Variants in ROBO2 observed in about 807,000 individuals in gnomAD.
The protein encoded by ROBO2 is roundabout guidance receptor 2.
Under a neutral mutation model 160.8 loss-of-function variants are expected in ROBO2, and 53 were observed. That is an observed-to-expected ratio of 0.33 (90% CI 0.26 to 0.41). The LOEUF (loss-of-function observed/expected upper bound fraction) is 0.41, where lower values mean the gene tolerates loss of function less well. Among genes scored for constraint, ROBO2 ranks in the 10% least tolerant of loss-of-function variants. The pLI is 1.00. For missense variants in ROBO2, 1,577 were observed against 1,722.4 expected (o/e 0.92, Z 1.49); for synonymous variants, 664 against 611.7 (o/e 1.09, Z -1.26).
At chr3:76,289,399 T>C (rs1336553346) in intron 2 of ROBO2, among the ~76,000 whole-genome samples, 1 of 152,172 alleles carries the variant, frequency 6.6e-6, no homozygotes, top group Admixed American at 6.6e-5. Context: ...TAGACCTTTG[T>C]TGGATGCAGT....
chr3:77,624,699 A>G (rs1280571981), intron 23 of ROBO2, among the ~76,000 whole-genome samples: 2 of 152,184 alleles, frequency 1.3e-5, no homozygotes, highest in African/African-American at 2.4e-5. Flanking sequence ...ACCACCAGTT[A>G]CTTTGGGTTC....
intron 2 of ROBO2, among the ~76,000 whole-genome samples, chr3:76,185,718 G>A (rs1264543826): frequency 1.3e-5 from 2 of 151,990 alleles, no homozygotes; most frequent in Non-Finnish European, 2.9e-5. Flanking sequence ...GCCATAATTA[G>A]CATAATTGTG....
chr3:77,516,950 C>T (rs1417719681), intron 5 of ROBO2, among the ~76,000 whole-genome samples: 1 of 151,496 alleles, frequency 6.6e-6, no homozygotes, highest in Non-Finnish European at 1.5e-5. Flanking sequence ...TCATTGAACG[C>T]CTCCAATATC....
intron 14 of ROBO2, 31 bp downstream of exon 15, chr3:77,574,761 A>G: frequency 6.6e-7 from 1 of 1,508,750 alleles, no homozygotes; most frequent in Non-Finnish European, 9.2e-7. Flanking sequence ...TATAAATCAA[A>G]CATGATGAAA....
intron 2 of ROBO2, among the ~76,000 whole-genome samples, chr3:76,262,091 G>C (rs1294412269): frequency 6.6e-6 from 1 of 152,066 alleles, no homozygotes; most frequent in African/African-American, 2.4e-5. Context: ...AATCAACAGA[G>C]CTATGCCAAT....
intron 2 of ROBO2, among the ~76,000 whole-genome samples, chr3:76,670,120 C>T (rs2092208044): frequency 6.6e-6 from 1 of 152,044 alleles, no homozygotes; most frequent in Non-Finnish European, 1.5e-5. Flanking sequence ...TGCATTTATG[C>T]AAAATACCTT....
chr3:76,781,947 C>A (rs1279884140), intron 2 of ROBO2, among the ~76,000 whole-genome samples: 1 of 150,642 alleles, frequency 6.6e-6, no homozygotes, highest in South Asian at 2.1e-4. Context: ...GGCATTAATT[C>A]TTTAATGTTT....
chr3:77,574,502 G>T (rs2093714053), exon 14 of ROBO2: 1 of 1,612,936 alleles, frequency 6.2e-7, no homozygotes, highest in African/African-American at 1.3e-5. Flanking sequence ...TTTTCAGGTT[G>T]ATCGCCAACC....
chr3:76,257,033 C>T (rs1171325291), intron 2 of ROBO2, among the ~76,000 whole-genome samples: 1 of 151,998 alleles, frequency 6.6e-6, no homozygotes, highest in Non-Finnish European at 1.5e-5. Flanking sequence ...CCCCACGACC[C>T]AAGCCCCTCG....
chr3:76,328,726 G>A (rs1181722857), intron 2 of ROBO2, among the ~76,000 whole-genome samples: 1 of 151,902 alleles, frequency 6.6e-6, no homozygotes, highest in African/African-American at 2.4e-5. Flanking sequence ...TGGGCGTGGT[G>A]GCGGCGCCTG....
At chr3:76,022,423 T>C (rs866059327) in intron 2 of ROBO2, among the ~76,000 whole-genome samples, 28 of 151,924 alleles carry the variant, frequency 1.8e-4, no homozygotes, top group South Asian at 1.7e-3. Context: ...AGAGGAGTCA[T>C]TATGGCAGCA....
At chr3:76,253,494 G>A (rs1013530671) in intron 2 of ROBO2, among the ~76,000 whole-genome samples, 1 of 151,038 alleles carries the variant, frequency 6.6e-6, no homozygotes, top group Non-Finnish European at 1.5e-5. Context: ...GGCTGGTCTT[G>A]AACACCTGGG....
intron 2 of ROBO2, among the ~76,000 whole-genome samples, chr3:77,126,448 A>T (rs1486517954): frequency 6.6e-6 from 1 of 152,196 alleles, no homozygotes; most frequent in Non-Finnish European, 1.5e-5. Flanking sequence ...ATACTGGATT[A>T]AAAAGATTAT....
intron 2 of ROBO2, among the ~76,000 whole-genome samples, chr3:76,444,030 AT>A (rs1195182922): frequency 1.3e-5 from 2 of 152,102 alleles, no homozygotes; most frequent in Non-Finnish European, 2.9e-5. Flanking sequence ...CAGTGGCACA[AT>A]CTTGGCTCAC....
chr3:76,205,171 G>T (rs761953627), intron 2 of ROBO2, among the ~76,000 whole-genome samples: 2 of 152,138 alleles, frequency 1.3e-5, no homozygotes, highest in Non-Finnish European at 2.9e-5. Flanking sequence ...CGCTAAAGCT[G>T]TATTGAGGAT....
chr3:76,698,644 G>A (rs2092983737), intron 2 of ROBO2, among the ~76,000 whole-genome samples: 1 of 152,156 alleles, frequency 6.6e-6, no homozygotes, highest in African/African-American at 2.4e-5. Flanking sequence ...AGTGCACAGT[G>A]TCATTACATT....
chr3:75,994,992 G>T (rs1664558188), intron 2 of ROBO2, among the ~76,000 whole-genome samples: 2 of 152,196 alleles, frequency 1.3e-5, no homozygotes, highest in South Asian at 4.1e-4. Flanking sequence ...TTGAACTAGA[G>T]AGAGATGATT....
chr3:76,992,182 A>G (rs1402647885), intron 2 of ROBO2, among the ~76,000 whole-genome samples: 1 of 151,810 alleles, frequency 6.6e-6, no homozygotes, highest in Non-Finnish European at 1.5e-5. Flanking sequence ...TGTACACTAA[A>G]ACTAAGTCAG....
In ROBO2 at chr3:77,298,714, A is replaced by G. The variant is rs572219813; in HGVS notation, c.389-178700A>G. On this transcript the variant is annotated intron_variant, in intron 2 of 25. Coordinates refer to ENST00000461745, the Ensembl canonical transcript of ROBO2. The stretch of plus-strand genomic sequence containing the variant: ...GAAAACTTTGGTTGGGCTTCAGGAG[A>G]TGAGTTTAAATTATTCTCTGTTACA... Among the ~76,000 whole-genome samples the G allele has an allele frequency of 4.6e-5, 7 of 152,272 alleles. No individual in the cohort carries two copies. The East Asian group carries it at 1.2e-3, about 25-fold the overall frequency.
Sources: gnomAD v4.1 joint callset for allele counts (sites outside exome capture counted in the v4.1 genomes callset) on GRCh38, gnomAD v4.1.1 for gene constraint, MANE v1.5 for transcripts, NCBI Gene and HGNC (gene_info 2026-07-23, HGNC 2026-07-21) for gene names.